The following TMEM248 variants were observed in gnomAD, a reference collection of about 807,000 sequenced individuals.
TMEM248 encodes the protein transmembrane protein 248.
In TMEM248, 9 loss-of-function variants were observed where a neutral mutation model predicts 30.3. The ratio of observed to expected loss-of-function variants is 0.30; its 90% CI spans 0.18 to 0.52. The LOEUF is 0.52. Among genes scored for constraint, TMEM248 ranks in the 20% least tolerant of loss-of-function variants. TMEM248 has a pLI of 0.97. For missense variants in TMEM248, 338 were observed against 403.3 expected (o/e 0.84, Z 1.39); for synonymous variants, 184 against 154.4 (o/e 1.19, Z -1.42).
chr7:66,931,386 G>A (rs984254946), intron 1 of TMEM248, among the ~76,000 whole-genome samples: 50 of 151,890 alleles, frequency 3.3e-4, no homozygotes, highest in Non-Finnish European at 5.6e-4. Flanking sequence ...GTACATATGC[G>A]GGCTTTGGAG....
chr7:66,948,666 G>C lies in TMEM248; in HGVS notation c.568G>C (p.Ala190Pro). The C allele has an allele frequency of 6.2e-7, 1 of 1,613,740 alleles. No homozygotes were observed. Among genetic ancestry groups the C allele is most frequent in the Non-Finnish European group, 8.5e-7 (1 of 1,179,786 alleles). The change falls in exon 4 of 7, where the codon GCC becomes CCC. Residue 190 changes from alanine to proline, a missense_variant. Coordinates refer to ENST00000341567, the MANE Select transcript of TMEM248 (RefSeq NM_017994.5). ...VVFTACMTLT[A>P]SPGVFPVTVQ... Reference sequence around the variant, plus strand: ...ATTCACAGCCTGCATGACCCTCACGGCCAGCCCTGGGGTGTTCCCCGTCAC... The same window carrying C: ...ATTCACAGCCTGCATGACCCTCACGCCCAGCCCTGGGGTGTTCCCCGTCAC...
At chr7:66,948,401 C>T in intron 3 of TMEM248, 143 bp from the exon 4 acceptor site, 4 of 1,023,768 alleles carry the variant, frequency 3.9e-6, no homozygotes, top group African/African-American at 1.6e-5. Flanking sequence ...CAGGACTGCT[C>T]TTCTTCCTCA....
chr7:66,943,264 C>T (rs915872498), intron 2 of TMEM248, among the ~76,000 whole-genome samples: 2 of 152,196 alleles, frequency 1.3e-5, no homozygotes, highest in African/African-American at 4.8e-5. Flanking sequence ...CATTTCTTTC[C>T]CGCAGAGCTT....
chr7:66,945,407 C>G lies in TMEM248; in HGVS notation c.445+146C>G, dbSNP rs1409942133. On this transcript the variant is annotated intron_variant, in intron 3 of 6. Transcript: ENST00000341567. ...TTTTGTTGAGTTTGAACTACATGAA[C>G]CATTTCTGTTCCATCGTTACATGGT... 3.5e-6 allele frequency: 3 copies of G among 866,092 alleles called. No homozygotes were observed. The African/African-American group carries it at 5.1e-5, about 15-fold the overall frequency. The allele number at this position is 866,092 out of a possible 1,614,324, so 53.7% of individuals were successfully genotyped here.
intron 4 of TMEM248, 97 bp downstream of exon 4, chr7:66,948,791 C>A: frequency 7.7e-7 from 1 of 1,299,200 alleles, no homozygotes; most frequent in Non-Finnish European, 1.1e-6. Flanking sequence ...GGATGGCTCA[C>A]TTCACATTTC....
At chr7:66,955,396 G>C (rs1792375428) in intron 6 of TMEM248, 106 bp from the exon 7 acceptor site, 4 of 1,291,426 alleles carry the variant, frequency 3.1e-6, no homozygotes, top group South Asian at 2.6e-5. Context: ...TAACTTCACT[G>C]TCTGGTTGAT....
rs1425685909 is a variant in TMEM248 at position 66,956,981 on chromosome 7, C to G, written c.*1459C>G. 6.6e-6 allele frequency: 1 copy of G among 152,608 alleles called. No homozygotes were observed. The highest frequency in any genetic ancestry group is 1.5e-5 in the Non-Finnish European group (1 of 68,046). 9.5% of individuals were successfully genotyped at this position (152,608 alleles called of 1,614,324 possible). A position where few individuals can be genotyped will look rare whatever the true frequency, so the allele number is the denominator to read the frequency against. ...TCAGCCACTGCTCTCGGCCCTCTTA[C>G]ACCATTTTGTTTGATTGTCTAGTCC... On this transcript the variant is annotated 3_prime_UTR_variant, in exon 7 of 7. Coordinates refer to ENST00000341567, the MANE Select transcript of TMEM248 (RefSeq NM_017994.5).
intron 6 of TMEM248, among the ~76,000 whole-genome samples, chr7:66,953,763 T>C (rs4717333): frequency 0.98 from 147,968 of 151,628 alleles, 72,296 homozygotes; most frequent in East Asian, 1. Flanking sequence ...AGCCACCGCG[T>C]CCCACTAAGT....
chr7:66,951,616 A>G (rs951201265), intron 5 of TMEM248, among the ~76,000 whole-genome samples: 1 of 151,372 alleles, frequency 6.6e-6, no homozygotes, highest in Admixed American at 6.6e-5. Context: ...AAGGGGAACA[A>G]AATACTTACC....
chr7:66,929,426 ATTTTTTTTTTTTTT>A (rs35126436), intron 1 of TMEM248, among the ~76,000 whole-genome samples: 2 of 97,636 alleles, frequency 2.0e-5, no homozygotes, highest in South Asian at 4.3e-4. Flanking sequence ...TGAGAGACAA[ATTTTTTTTTTTTTT>A]TTTTTTTTTT....
chr7:66,950,762 A>T (rs1207343296), intron 4 of TMEM248, among the ~76,000 whole-genome samples, 190 bp from the exon 5 acceptor site: 1 of 152,124 alleles, frequency 6.6e-6, no homozygotes, highest in Non-Finnish European at 1.5e-5. Context: ...TTATATTTTT[A>T]TTTTTTAAAA....
rs1792269481 is a variant in TMEM248, at chr7:66,951,523, G to A, written c.780+388G>A. On this transcript the variant is annotated intron_variant, in intron 5 of 6. Coordinates refer to ENST00000341567, the MANE Select transcript of TMEM248 (RefSeq NM_017994.5). ...AAGAAATAGTGCTGCTTAGAGTTCT[G>A]AAAGATAGAAGGGAGTAGTAGGAGG... Among the ~76,000 whole-genome samples the A allele has an allele frequency of 2.0e-5, 3 of 152,122 alleles. No individual in the cohort carries two copies. The South Asian group carries it at 6.2e-4, about 32-fold the overall frequency.
chr7:66,930,219 C>T (rs1791630463), intron 1 of TMEM248, among the ~76,000 whole-genome samples: 1 of 152,184 alleles, frequency 6.6e-6, no homozygotes. Context: ...AGGGAAGGAG[C>T]CAGTTTGGTG....
chr7:66,922,484 T>G (rs1212665781), intron 1 of TMEM248, among the ~76,000 whole-genome samples: 1 of 152,054 alleles, frequency 6.6e-6, no homozygotes, highest in Non-Finnish European at 1.5e-5. Flanking sequence ...AAGGTATACT[T>G]AGGTGTGCAT....
chr7:66,953,605 TC>T (rs1422112763), intron 6 of TMEM248, among the ~76,000 whole-genome samples: 1 of 152,106 alleles, frequency 6.6e-6, no homozygotes, highest in African/African-American at 2.4e-5. Flanking sequence ...CTGCACATCC[TC>T]TGTAACTTTT....
At chr7:66,929,856 G>C (rs910422856) in intron 1 of TMEM248, among the ~76,000 whole-genome samples, 2 of 152,162 alleles carry the variant, frequency 1.3e-5, no homozygotes, top group Admixed American at 6.6e-5. Context: ...AGGAGAGCCA[G>C]AGTGTCAAGG....
rs1420353892 is a variant in TMEM248, at chr7:66,921,366, C to T, written c.-114C>T. ...TGGTGCCTAGCGGCCTCGGGCCCGC[C>T]ACGCGCCGCCACGAGTGAGCCCAGC... On this transcript the variant is annotated 5_prime_UTR_variant, in exon 1 of 7. Coordinates refer to ENST00000341567, the MANE Select transcript of TMEM248 (RefSeq NM_017994.5). The T allele has an allele frequency of 6.7e-6, 1 of 150,238 alleles. No individual in the cohort carries two copies. Among genetic ancestry groups the T allele is most frequent in the Non-Finnish European group, 1.5e-5 (1 of 67,462 alleles). The allele number at this position is 150,238 out of a possible 1,614,324, so 9.3% of individuals were successfully genotyped here.
intron 1 of TMEM248, among the ~76,000 whole-genome samples, chr7:66,924,039 GCTTAA>G (rs1791459222): frequency 6.6e-6 from 1 of 152,206 alleles, no homozygotes; most frequent in South Asian, 2.1e-4. Context: ...ATAAAACAAT[GCTTAA>G]CTTATTTTAT....
chr7:66,952,504 G>A (rs1009661525), intron 5 of TMEM248, among the ~76,000 whole-genome samples: 1 of 152,202 alleles, frequency 6.6e-6, no homozygotes, highest in Non-Finnish European at 1.5e-5. Context: ...TGGGGCGTGG[G>A]TGTTGGTAAA....
Sources: allele counts gnomAD v4.1 joint callset (sites outside exome capture counted in the v4.1 genomes callset), GRCh38; gene constraint gnomAD v4.1.1; transcripts MANE v1.5; gene names NCBI Gene and HGNC (gene_info 2026-07-23, HGNC 2026-07-21).